DLG3: variants seen among roughly 807,000 people sequenced by gnomAD.
DLG3 encodes discs large MAGUK scaffold protein 3.
In DLG3, 1 loss-of-function variant was observed where a neutral mutation model predicts 64.1. That is an observed-to-expected ratio of 0.02 (90% CI 0.01 to 0.07). The LOEUF (loss-of-function observed/expected upper bound fraction) is 0.07, where lower values mean the gene tolerates loss of function less well. Ranked by LOEUF, DLG3 falls within the 10% of genes least tolerant of loss-of-function variation. The pLI, the probability that DLG3 is intolerant of heterozygous loss-of-function variation, is 1.00. For missense variants in DLG3, 429 were observed against 669.5 expected (o/e 0.64, Z 3.96); for synonymous variants, 245 against 259.8 (o/e 0.94, Z 0.55).
chrX:70,447,851 G>GCCA (rs752933362), intron 1 of DLG3, among the ~76,000 whole-genome samples: 1,302 of 112,179 alleles, frequency 0.012, 18 homozygotes, highest in African/African-American at 0.04. Context: ...ATCTCTGTGG[G>GCCA]TTGGCCAAAT....
chrX:70,452,510 C>G (rs951667655), intron 7 of DLG3: 3 of 1,136,406 alleles, frequency 2.6e-6, no homozygotes. Context: ...TGGAACTGGT[C>G]GGGCCGGCTG....
At chrX:70,493,399 G>C (rs745847505) in intron 12 of DLG3, 3 of 1,207,708 alleles carry the variant, frequency 2.5e-6, no homozygotes, top group East Asian at 6.0e-5. Flanking sequence ...AACGTAAAAA[G>C]AGTTTCCGCC....
At chrX:70,491,974 T>A in intron 10 of DLG3, 133 bp from the exon 11 acceptor site, 1 of 650,014 alleles carries the variant, frequency 1.5e-6, no homozygotes, top group Non-Finnish European at 2.5e-6. Flanking sequence ...TGTGGTCTCC[T>A]GGAGACATCC....
chrX:70,489,707 TTA>T (rs1165131164), intron 10 of DLG3, among the ~76,000 whole-genome samples: 1 of 111,759 alleles, frequency 8.9e-6, no homozygotes, highest in African/African-American at 3.3e-5. Context: ...CAACTCTACT[TTA>T]TACACTTCAG....
At chrX:70,471,618 A>G (rs2086971656) in intron 9 of DLG3, among the ~76,000 whole-genome samples, 1 of 111,761 alleles carries the variant, frequency 8.9e-6, no homozygotes, top group Non-Finnish European at 1.9e-5. Flanking sequence ...TCTTGAGATC[A>G]TTCTTCATTA....
intron 10 of DLG3, among the ~76,000 whole-genome samples, chrX:70,489,016 G>A (rs1381387273): frequency 8.9e-6 from 1 of 111,743 alleles, no homozygotes; most frequent in Non-Finnish European, 1.9e-5. Context: ...TTCCTTTTTT[G>A]CCTTGTTTGC....
intron 12 of DLG3, among the ~76,000 whole-genome samples, chrX:70,492,975 G>A: frequency 8.9e-6 from 1 of 111,835 alleles, no homozygotes; most frequent in Non-Finnish European, 1.9e-5. Context: ...TGAGGCAGGC[G>A]GGTTCTCCAT....
chrX:70,501,522 A>G (rs890275895), intron 18 of DLG3, among the ~76,000 whole-genome samples: 1 of 110,697 alleles, frequency 9.0e-6, no homozygotes, highest in Admixed American at 9.7e-5. Context: ...ATATATATAC[A>G]TAAATATATG....
At position 70,499,184 on chromosome X, in the gene DLG3, G is replaced by T. The variant is rs2147888795; in HGVS notation, c.1879G>T (p.Ala627Ser). ...ATGCTCTCCCTCTCTAGTTCACTAT[G>T]CAAGGCCTGTGATCATCCTGGGCCC... is the stretch of plus-strand genomic sequence containing the variant. ...EPVTRQEIHYARPVIILGPMK... is the reference protein window; with the variant it reads ...EPVTRQEIHYSRPVIILGPMK... Residue 627 changes from alanine (A) to serine (S), a missense_variant, in exon 15 of 19, where the codon GCA (alanine) becomes TCA (serine). This residue lies in a region of DLG3 where 46 missense variants were observed against 64.4 expected (regional missense o/e 0.71). Coordinates refer to ENST00000374360, the MANE Select transcript of DLG3 (RefSeq NM_021120.4). The T allele has an allele frequency of 1.7e-6, 2 of 1,204,693 alleles. No homozygotes were observed. The highest frequency in any genetic ancestry group is 2.2e-6 in the Non-Finnish European group (2 of 889,596).
chrX:70,500,997 T>A lies in DLG3; in HGVS notation c.2347+8T>A. On this transcript the variant is annotated splice_region_variant and intron_variant, in intron 18 of 18. Transcript: ENST00000374360. ...TTGGAGAGTACTTTACAGGTAAGAC[T>A]CCTGCTGCCCTGCGGGGGGTTCTGG... is the stretch of plus-strand genomic sequence containing the variant. The A allele has an allele frequency of 8.6e-7, 1 of 1,162,883 alleles. No homozygotes were observed. The highest frequency in any genetic ancestry group is 1.2e-6 in the Non-Finnish European group (1 of 860,003).
chrX:70,465,130 A>G lies in DLG3; in HGVS notation c.1405+10814A>G. On this transcript the variant is annotated intron_variant, in intron 9 of 18. Transcript: ENST00000374360. The stretch of plus-strand genomic sequence containing the variant: ...ATTAAGAGTTGTTTTGTAAATATTC[A>G]GAAAAAGAAGTGGTGAGCACTAGGA... Among the ~76,000 whole-genome samples, 3 of 112,087 alleles carry G rather than the reference A, an allele frequency of 2.7e-5. 1 individual carries two copies. In the Middle Eastern group the frequency reaches 0.014, roughly 519 times the overall value.
At chrX:70,452,577 A>T in intron 7 of DLG3, 1 of 1,169,492 alleles carries the variant, frequency 8.6e-7, no homozygotes, top group Non-Finnish European at 1.1e-6. Flanking sequence ...GGCAGGCAGC[A>T]GTGGAGCCGG....
intron 13 of DLG3, chrX:70,497,140 G>C (rs773972510): frequency 1.7e-6 from 2 of 1,184,698 alleles, no homozygotes; most frequent in Non-Finnish European, 2.3e-6. Flanking sequence ...CCTCTCAGTG[G>C]TGTGTTCTGA....
chrX:70,465,140 G>A (rs2086865924), intron 9 of DLG3, among the ~76,000 whole-genome samples: 1 of 111,947 alleles, frequency 8.9e-6, no homozygotes, highest in South Asian at 3.8e-4. Flanking sequence ...AGAAAAAGAA[G>A]TGGTGAGCAC....
At chrX:70,446,324 G>A in intron 1 of DLG3, among the ~76,000 whole-genome samples, 1 of 109,417 alleles carries the variant, frequency 9.1e-6, no homozygotes, top group Non-Finnish European at 1.9e-5. Flanking sequence ...AGGGAGGGGA[G>A]AGGAAGGAGG....
At chrX:70,464,558 G>A (rs1244309431) in intron 9 of DLG3, among the ~76,000 whole-genome samples, 6 of 112,113 alleles carry the variant, frequency 5.4e-5, no homozygotes, top group Admixed American at 2.8e-4. Flanking sequence ...CACTACCCCC[G>A]GCCAAGACTC....
chrX:70,448,677 G>T, intron 1 of DLG3: 1 of 1,117,282 alleles, frequency 9.0e-7, no homozygotes. Context: ...AATTGATCTG[G>T]GCTAAATGAG....
intron 9 of DLG3, among the ~76,000 whole-genome samples, chrX:70,469,157 T>C (rs983006613): frequency 1.8e-5 from 2 of 110,019 alleles, no homozygotes; most frequent in African/African-American, 6.6e-5. Context: ...ACTACAGGCG[T>C]ACACCACCAC....
At chrX:70,481,557 G>A (rs1367811824) in intron 10 of DLG3, among the ~76,000 whole-genome samples, 1 of 112,013 alleles carries the variant, frequency 8.9e-6, no homozygotes, top group East Asian at 2.8e-4. Flanking sequence ...CAACATCCAG[G>A]TTGGGAAATG....
Sources: allele counts gnomAD v4.1 joint callset (sites outside exome capture counted in the v4.1 genomes callset), GRCh38; gene constraint gnomAD v4.1.1; regional missense constraint gnomAD v4.1.1; transcripts MANE v1.5; gene names NCBI Gene and HGNC (gene_info 2026-07-23, HGNC 2026-07-21).